GASK1A: variants seen among roughly 807,000 people sequenced by gnomAD.
The protein encoded by GASK1A is golgi associated kinase 1A, also known as Golgi-associated kinase 1A.
Under a neutral mutation model 41.2 loss-of-function variants are expected in GASK1A, and 40 were observed. The observed-to-expected ratio is 0.97, with a 90% confidence interval of 0.75 to 1.27. The LOEUF (loss-of-function observed/expected upper bound fraction) is 1.27, where lower values mean the gene tolerates loss of function less well. Among genes scored for constraint, GASK1A ranks in the 50% most tolerant of loss-of-function variants. The pLI is 0.00. For missense variants in GASK1A, 678 were observed against 745.1 expected (o/e 0.91, Z 1.05); for synonymous variants, 316 against 307.1 (o/e 1.03, Z -0.30).
intron 2 of GASK1A, among the ~76,000 whole-genome samples, chr3:43,047,984 G>T (rs1242864875): frequency 1.3e-5 from 2 of 152,102 alleles, no homozygotes; most frequent in African/African-American, 4.8e-5. Flanking sequence ...CCTAAAATTG[G>T]CAGGGGAAGG....
rs1439536761 is a variant in GASK1A, at chr3:43,033,515, G to T, written c.1252G>T (p.Glu418Ter). Residue 418 changes from glutamate to a stop codon, truncating the protein, a stop_gained, in exon 2 of 5, where the codon GAG (glutamate) becomes TAG (stop). Transcript: ENST00000430121. LOFTEE classifies it high-confidence loss of function. ...CCCGTGCCCGGGCATCCACCATACCGAGTGGGCACGCCTGGCGCTCTTCGA... is the reference window on the plus strand; with the variant it reads ...CCCGTGCCCGGGCATCCACCATACCTAGTGGGCACGCCTGGCGCTCTTCGA... ...QAPCPGIHHT[E>*]WARLALFDFL... The T allele has an allele frequency of 5.8e-6, 9 of 1,547,212 alleles. No individual in the cohort carries two copies. Among genetic ancestry groups the T allele is most frequent in the Admixed American group, 2.0e-5 (1 of 50,854 alleles).
chr3:43,054,975 C>T (rs1167786572), intron 3 of GASK1A, among the ~76,000 whole-genome samples: 2 of 152,154 alleles, frequency 1.3e-5, no homozygotes, highest in Non-Finnish European at 2.9e-5. Context: ...CCGGTGGCCC[C>T]GAGGAGCAGG....
rs578163347 is a variant in GASK1A, at chr3:42,998,065, G to T, written c.3+18420G>T. Among the ~76,000 whole-genome samples, 3 of 152,294 alleles carry T rather than the reference G, an allele frequency of 2.0e-5. No homozygotes were observed. In the East Asian group the frequency reaches 5.8e-4, roughly 29 times the overall value. On this transcript the variant is annotated intron_variant, in intron 1 of 4. Transcript: ENST00000430121. ...TGCTCCTGGGGGTATTAGCGTCCCAGCAGGCACACTGCTGCTGACCACTTC... is the reference window on the plus strand; with the variant it reads ...TGCTCCTGGGGGTATTAGCGTCCCATCAGGCACACTGCTGCTGACCACTTC...
chr3:43,017,948 G>A (rs1315636793), intron 1 of GASK1A, among the ~76,000 whole-genome samples: 1 of 152,028 alleles, frequency 6.6e-6, no homozygotes, highest in Non-Finnish European at 1.5e-5. Context: ...TAAGTCACAG[G>A]AAGATTCAGT....
chr3:43,003,135 T>C (rs2089418504), intron 1 of GASK1A, among the ~76,000 whole-genome samples: 1 of 152,156 alleles, frequency 6.6e-6, no homozygotes, highest in African/African-American at 2.4e-5. Context: ...CCATAATCCC[T>C]TCAGATTATG....
In GASK1A at chr3:42,979,507, A is replaced by C. The variant is rs1212656645; in HGVS notation, c.-136A>C. 12 of 1,004,492 alleles carry C rather than the reference A, an allele frequency of 1.2e-5. No homozygotes were observed. The allele number at this position is 1,004,492 out of a possible 1,614,324, so 62.2% of individuals were successfully genotyped here. ...GAACGTGTGCACCTTCAGTCCGGGA[A>C]ACCCGCCCCAGCCGAGTAGCCGCGC... On this transcript the variant is annotated 5_prime_UTR_variant, in exon 1 of 5. Transcript: ENST00000430121.
chr3:43,050,105 C>T (rs1305393803), intron 2 of GASK1A, among the ~76,000 whole-genome samples: 1 of 151,566 alleles, frequency 6.6e-6, no homozygotes, highest in African/African-American at 2.4e-5. Flanking sequence ...ATGTAGTTAC[C>T]TTGAACAGAG....
chr3:43,009,874 A>G (rs1394279826), intron 1 of GASK1A, among the ~76,000 whole-genome samples: 1 of 152,226 alleles, frequency 6.6e-6, no homozygotes, highest in Non-Finnish European at 1.5e-5. Context: ...GAGGGAAATT[A>G]TTATATCATT....
chr3:43,025,418 G>C (rs1217642559), intron 1 of GASK1A, among the ~76,000 whole-genome samples: 1 of 152,186 alleles, frequency 6.6e-6, no homozygotes, highest in Non-Finnish European at 1.5e-5. Flanking sequence ...GAATCCATAG[G>C]AGAGAGGATG....
intron 1 of GASK1A, among the ~76,000 whole-genome samples, chr3:42,995,457 C>A (rs1363476336): frequency 1.3e-5 from 2 of 152,150 alleles, no homozygotes; most frequent in Non-Finnish European, 2.9e-5. Flanking sequence ...TGTGAAATAT[C>A]CTGGATTTTA....
At chr3:43,030,376 A>ATGT (rs1465539143) in intron 1 of GASK1A, among the ~76,000 whole-genome samples, 1 of 152,194 alleles carries the variant, frequency 6.6e-6, no homozygotes, top group African/African-American at 2.4e-5. Flanking sequence ...TTTTGGCTGC[A>ATGT]TGTAGCAGGA....
At position 43,002,232 on chromosome 3, in the gene GASK1A, G is replaced by A. The variant is rs142872467; in HGVS notation, c.3+22587G>A. 5.4e-3 allele frequency among the ~76,000 whole-genome samples: 815 copies of A among 152,222 alleles called. 7 individuals are homozygous for A. Among genetic ancestry groups the A allele is most frequent in the Middle Eastern group, 0.024 (7 of 294 alleles). Reference sequence around the variant, plus strand: ...ACGTGACATAATTTTCCAACTCTGCGGTTTTATTTTGTTGAGACAAAAGAC... The same window carrying A: ...ACGTGACATAATTTTCCAACTCTGCAGTTTTATTTTGTTGAGACAAAAGAC... On this transcript the variant is annotated intron_variant, in intron 1 of 4. Coordinates refer to ENST00000430121, the MANE Select transcript of GASK1A (RefSeq NM_001129908.3).
At chr3:43,041,194 C>T (rs704911) in intron 2 of GASK1A, among the ~76,000 whole-genome samples, 108,425 of 148,254 alleles carry the variant, frequency 0.73, 41,146 homozygotes, top group East Asian at 0.86. Context: ...TACATGTGCA[C>T]GTGTCTTTAT....
chr3:43,021,959 A>G lies in GASK1A; in HGVS notation c.4-10308A>G, dbSNP rs141373327. On this transcript the variant is annotated intron_variant, in intron 1 of 4. Transcript: ENST00000430121. ...AAGGAAGGAGAAAGAGAGTAGCTGT[A>G]GAACCACACAGTGAAGGTAACTCCA... is the stretch of plus-strand genomic sequence containing the variant. Among the ~76,000 whole-genome samples, 1,508 of 152,346 alleles carry G rather than the reference A, an allele frequency of 9.9e-3. 8 individuals carry two copies. The highest frequency in any genetic ancestry group is 0.016 in the Non-Finnish European group (1,120 of 68,036).
chr3:43,015,348 G>A (rs2089485258), intron 1 of GASK1A, among the ~76,000 whole-genome samples: 1 of 151,332 alleles, frequency 6.6e-6, no homozygotes, highest in Non-Finnish European at 1.5e-5. Context: ...GCAGTGTGAA[G>A]TCACAGGAAG....
rs114825261 is a variant in GASK1A at position 43,027,166 on chromosome 3, T to C, written c.4-5101T>C. Among the ~76,000 whole-genome samples the C allele has an allele frequency of 6.6e-3, 1,007 of 152,288 alleles. 2 individuals carry two copies. Among genetic ancestry groups the C allele is most frequent in the Non-Finnish European group, 0.011 (726 of 68,030 alleles). ...CATGTATGAATGCTGTAGAAAACAG[T>C]TGGAACATGCAAGAAATCAGAGAAT... On this transcript the variant is annotated intron_variant, in intron 1 of 4. Transcript: ENST00000430121.
chr3:43,024,588 G>T (rs777344497), intron 1 of GASK1A, among the ~76,000 whole-genome samples: 1 of 152,146 alleles, frequency 6.6e-6, no homozygotes, highest in African/African-American at 2.4e-5. Flanking sequence ...AGTGGGTGGG[G>T]GTGGCTGGCT....
chr3:43,039,466 G>A (rs1462922470), intron 2 of GASK1A, among the ~76,000 whole-genome samples: 1 of 152,172 alleles, frequency 6.6e-6, no homozygotes, highest in Non-Finnish European at 1.5e-5. Context: ...GCTTCCCAAA[G>A]TGCTGGAATT....
At chr3:43,040,212 C>T (rs983313789) in intron 2 of GASK1A, among the ~76,000 whole-genome samples, 1 of 151,856 alleles carries the variant, frequency 6.6e-6, no homozygotes, top group Non-Finnish European at 1.5e-5. Context: ...CAGATGGCAA[C>T]CCAAATGTCT....
Sources: gnomAD v4.1 joint callset for allele counts (sites outside exome capture counted in the v4.1 genomes callset) on GRCh38, gnomAD v4.1.1 for gene constraint, MANE v1.5 for transcripts, NCBI Gene and HGNC (gene_info 2026-07-23, HGNC 2026-07-21) for gene names.